The following PCDH9 variants were observed in gnomAD, a reference collection of about 807,000 sequenced individuals.
PCDH9 encodes protocadherin-9.
Under a neutral mutation model 70.6 loss-of-function variants are expected in PCDH9, and 24 were observed. That is an observed-to-expected ratio of 0.34 (90% confidence interval 0.25 to 0.48). The LOEUF (loss-of-function observed/expected upper bound fraction) is 0.48. Among genes scored for constraint, PCDH9 ranks in the 20% least tolerant of loss-of-function variants. PCDH9 has a pLI of 0.99. For missense variants in PCDH9, 1,281 were observed against 1,503.6 expected, an observed-to-expected ratio of 0.85 and a Z score of 2.45; for synonymous variants, 562 against 558.5, an observed-to-expected ratio of 1.01 and a Z score of -0.09.
At chr13:66,931,073 A>T (rs1459447301) in intron 2 of PCDH9, among the ~76,000 whole-genome samples, 1 of 152,170 alleles carries the variant, frequency 6.6e-6, no homozygotes, top group Non-Finnish European at 1.5e-5. Context: ...TGTCCACATC[A>T]GCTAATGTTT....
intron 4 of PCDH9, among the ~76,000 whole-genome samples, chr13:66,318,622 G>A (rs1251643039): frequency 1.3e-5 from 2 of 152,126 alleles, no homozygotes; most frequent in Non-Finnish European, 2.9e-5. Flanking sequence ...GTTAATGTAA[G>A]GGAACAAAAT....
chr13:66,511,866 T>C (rs972002380), intron 4 of PCDH9, among the ~76,000 whole-genome samples: 2 of 152,136 alleles, frequency 1.3e-5, no homozygotes, highest in Non-Finnish European at 1.5e-5. Flanking sequence ...CTATGCTTCC[T>C]GTGCAACCTG....
At chr13:66,624,238 T>C (rs1464779167) in intron 4 of PCDH9, among the ~76,000 whole-genome samples, 1 of 152,228 alleles carries the variant, frequency 6.6e-6, no homozygotes, top group Admixed American at 6.5e-5. Context: ...AAAATAAGAA[T>C]CCTCAAATGA....
intron 3 of PCDH9, among the ~76,000 whole-genome samples, chr13:66,782,108 G>A (rs914773551): frequency 6.6e-6 from 1 of 152,014 alleles, no homozygotes; most frequent in African/African-American, 2.4e-5. Context: ...CTTTCCTGGT[G>A]AGTCCTTCCC....
chr13:67,116,830 C>T (rs565963286), intron 2 of PCDH9, among the ~76,000 whole-genome samples: 204 of 152,240 alleles, frequency 1.3e-3, no homozygotes, highest in Non-Finnish European at 2.5e-3. Flanking sequence ...AAAGCAACAA[C>T]AAACGCACCT....
chr13:66,618,575 T>C (rs2077386789), intron 4 of PCDH9, among the ~76,000 whole-genome samples: 2 of 152,188 alleles, frequency 1.3e-5, no homozygotes, highest in South Asian at 4.1e-4. Context: ...TTATAATTAG[T>C]AATTTTATTT....
chr13:66,344,419 C>T (rs1357230882), intron 4 of PCDH9, among the ~76,000 whole-genome samples: 1 of 152,162 alleles, frequency 6.6e-6, no homozygotes, highest in Admixed American at 6.6e-5. Flanking sequence ...AGCTACCATG[C>T]CCGGCCAATA....
At chr13:66,806,467 T>C (rs2080412152) in intron 3 of PCDH9, among the ~76,000 whole-genome samples, 1 of 152,138 alleles carries the variant, frequency 6.6e-6, no homozygotes, top group African/African-American at 2.4e-5. Context: ...GCCCATCTGC[T>C]GAACATTTGT....
chr13:66,535,893 C>A (rs562584032), intron 4 of PCDH9, among the ~76,000 whole-genome samples: 48 of 152,122 alleles, frequency 3.2e-4, no homozygotes, highest in African/African-American at 1.1e-3. Flanking sequence ...GGGAGCACTT[C>A]TCCCCAAGAA....
intron 2 of PCDH9, among the ~76,000 whole-genome samples, chr13:67,016,406 A>T (rs1162824093): frequency 6.6e-6 from 1 of 152,190 alleles, no homozygotes; most frequent in African/African-American, 2.4e-5. Context: ...TAATGTCCGT[A>T]AAACAGTTTG....
intron 2 of PCDH9, among the ~76,000 whole-genome samples, chr13:67,153,631 A>G (rs1388532162): frequency 6.6e-6 from 1 of 152,212 alleles, no homozygotes; most frequent in East Asian, 1.9e-4. Flanking sequence ...GAAATGCCTT[A>G]CACATTAAGG....
intron 4 of PCDH9, among the ~76,000 whole-genome samples, chr13:66,555,593 T>C (rs1421907774): frequency 6.7e-6 from 1 of 149,194 alleles, no homozygotes; most frequent in African/African-American, 2.5e-5. Flanking sequence ...ACTTGTCATT[T>C]ACACATCAAC....
intron 3 of PCDH9, among the ~76,000 whole-genome samples, chr13:66,882,883 C>T (rs1029726363): frequency 6.6e-6 from 1 of 152,190 alleles, no homozygotes; most frequent in Admixed American, 6.5e-5. Flanking sequence ...ATAAATAATA[C>T]TGACCTCGTG....
intron 4 of PCDH9, among the ~76,000 whole-genome samples, chr13:66,460,090 T>G (rs1958395506): frequency 6.6e-6 from 1 of 151,860 alleles, no homozygotes; most frequent in South Asian, 2.1e-4. Flanking sequence ...CCACTTAAAT[T>G]TTACATGCTT....
intron 2 of PCDH9, among the ~76,000 whole-genome samples, chr13:67,066,840 A>G (rs950037226): frequency 6.6e-6 from 1 of 152,174 alleles, no homozygotes; most frequent in African/African-American, 2.4e-5. Flanking sequence ...AGTATGTCCA[A>G]TTTGGTTGCA....
chr13:67,073,486 T>C (rs1054986856), intron 2 of PCDH9, among the ~76,000 whole-genome samples: 2 of 151,732 alleles, frequency 1.3e-5, no homozygotes, highest in Middle Eastern at 6.8e-3. Context: ...AAATAAAAAA[T>C]AGAACTTTTT....
intron 4 of PCDH9, among the ~76,000 whole-genome samples, chr13:66,613,587 G>A (rs1275224361): frequency 6.6e-6 from 1 of 152,174 alleles, no homozygotes; most frequent in African/African-American, 2.4e-5. Flanking sequence ...CTGGGGCCAT[G>A]GCCAGTAACC....
At chr13:66,752,998 G>A (rs1265867492) in intron 3 of PCDH9, among the ~76,000 whole-genome samples, 1 of 152,180 alleles carries the variant, frequency 6.6e-6, no homozygotes, top group Non-Finnish European at 1.5e-5. Context: ...GAGCCAGAGA[G>A]TGGAGTTTCA....
chr13:66,584,568 T>C (rs2076937848), intron 4 of PCDH9, among the ~76,000 whole-genome samples: 1 of 152,224 alleles, frequency 6.6e-6, no homozygotes, highest in Admixed American at 6.5e-5. Context: ...AATGGATTCA[T>C]TATGCCGCTA....
Sources: gnomAD v4.1 joint callset for allele counts (sites outside exome capture counted in the v4.1 genomes callset) on GRCh38, gnomAD v4.1.1 for gene constraint, MANE v1.5 for transcripts, NCBI Gene and HGNC (gene_info 2026-07-23, HGNC 2026-07-21) for gene names.